DMD: variants seen among roughly 807,000 people sequenced by gnomAD.
DMD encodes the protein dystrophin.
In DMD, 63 loss-of-function variants were observed where a neutral mutation model predicts 330.1. The observed-to-expected ratio is 0.19, with a 90% CI of 0.16 to 0.24. The LOEUF (loss-of-function observed/expected upper bound fraction) is 0.24. Ranked by LOEUF, DMD falls within the 10% of genes least tolerant of loss-of-function variation. The pLI is 1.00. For missense variants in DMD, 3,344 were observed against 2,684.1 expected (o/e 1.25, Z -5.43); for synonymous variants, 1,223 against 959.8 (o/e 1.27, Z -5.07).
At chrX:32,264,161 T>C (rs2148300055) in intron 43 of DMD, among the ~76,000 whole-genome samples, 1 of 110,250 alleles carries the variant, frequency 9.1e-6, no homozygotes, top group East Asian at 2.9e-4. Flanking sequence ...GTTCTTATGA[T>C]AGTGAGCTCT....
intron 60 of DMD, among the ~76,000 whole-genome samples, chrX:31,364,911 C>CAT (rs1569533134): frequency 2.7e-5 from 3 of 109,664 alleles, no homozygotes; most frequent in Non-Finnish European, 5.7e-5. Context: ...TCCTGGCTAA[C>CAT]GGTGAAACCC....
chrX:31,549,522 T>C (rs2074352553), intron 55 of DMD, among the ~76,000 whole-genome samples: 1 of 112,018 alleles, frequency 8.9e-6, no homozygotes, highest in African/African-American at 3.2e-5. Flanking sequence ...ATGTGCTAGG[T>C]TTCCCAAATG....
chrX:32,521,966 G>GT (rs112215610), intron 17 of DMD, among the ~76,000 whole-genome samples: 2,122 of 111,716 alleles, frequency 0.019, 40 homozygotes, highest in African/African-American at 0.066. Context: ...TGAGGGCACA[G>GT]TGAGAGAGCA....
intron 1 of DMD, among the ~76,000 whole-genome samples, chrX:33,205,486 A>G (rs1200062945): frequency 1.8e-5 from 2 of 112,175 alleles, no homozygotes; most frequent in African/African-American, 3.2e-5. Flanking sequence ...CACTTAGCTC[A>G]GGCTAAGGTA....
At chrX:31,393,796 T>A (rs1031966081) in intron 60 of DMD, among the ~76,000 whole-genome samples, 1 of 111,869 alleles carries the variant, frequency 8.9e-6, no homozygotes, top group African/African-American at 3.3e-5. Context: ...ACCCCACACG[T>A]TGACTCCCAG....
chrX:32,615,051 G>T (rs1192966184), intron 11 of DMD, among the ~76,000 whole-genome samples: 2 of 111,235 alleles, frequency 1.8e-5, no homozygotes. Flanking sequence ...GAGTGATTCT[G>T]CAGGATAAAA....
intron 36 of DMD, among the ~76,000 whole-genome samples, chrX:32,363,614 A>C (rs1385239708): frequency 8.9e-6 from 1 of 112,022 alleles, no homozygotes; most frequent in African/African-American, 3.2e-5. Flanking sequence ...CTGACTATAC[A>C]TCAAGGGATA....
At chrX:31,682,919 C>T (rs746648232) in intron 52 of DMD, among the ~76,000 whole-genome samples, 1 of 111,866 alleles carries the variant, frequency 8.9e-6, no homozygotes, top group South Asian at 3.7e-4. Flanking sequence ...AGCAGTTCTT[C>T]CTATTATGTA....
At chrX:32,831,228 C>T (rs911099694) in intron 4 of DMD, among the ~76,000 whole-genome samples, 1 of 110,732 alleles carries the variant, frequency 9.0e-6, no homozygotes, top group East Asian at 2.8e-4. Context: ...CACTTTCCTT[C>T]AGGAACATGG....
intron 74 of DMD, among the ~76,000 whole-genome samples, chrX:31,157,984 T>A (rs932159243): frequency 9.2e-6 from 1 of 108,232 alleles, no homozygotes. Context: ...AAAAAAAAAA[T>A]TGTAGAGACG....
At chrX:32,922,840 G>C (rs1013604268) in intron 2 of DMD, among the ~76,000 whole-genome samples, 1 of 112,040 alleles carries the variant, frequency 8.9e-6, no homozygotes, top group African/African-American at 3.2e-5. Flanking sequence ...TTATTTTTCT[G>C]TCAGTAAAAT....
At chrX:31,255,171 A>C (rs959482328) in intron 63 of DMD, among the ~76,000 whole-genome samples, 3 of 111,596 alleles carry the variant, frequency 2.7e-5, no homozygotes, top group Non-Finnish European at 5.6e-5. Context: ...CCTAGACATA[A>C]ATTGTGAGAA....
chrX:31,960,908 C>T (rs1399933678), intron 45 of DMD, among the ~76,000 whole-genome samples: 1 of 111,806 alleles, frequency 8.9e-6, no homozygotes, highest in African/African-American at 3.3e-5. Context: ...ATAATAATAT[C>T]TGTATGATTC....
In DMD at chrX:32,485,110, G is replaced by A; in HGVS notation, c.2623-11C>T. ...CCGGTTGACTTCATCCTGTGCCATAGAGTATGGAAAGTAAGTAACACGTTT... is the reference window on the plus strand; with the variant it reads ...CCGGTTGACTTCATCCTGTGCCATAAAGTATGGAAAGTAAGTAACACGTTT... On this transcript the variant is annotated splice_polypyrimidine_tract_variant and intron_variant, in intron 20 of 78. Coordinates refer to ENST00000357033, the MANE Select transcript of DMD (RefSeq NM_004006.3). 1 of 1,203,998 alleles carries A rather than the reference G, an allele frequency of 8.3e-7. No individual in the cohort carries two copies.
At chrX:32,287,444 C>T in intron 43 of DMD, 85 bp downstream of exon 43, 5 of 929,771 alleles carry the variant, frequency 5.4e-6, no homozygotes, top group Admixed American at 4.8e-5. Context: ...GTCTTTTTTC[C>T]ATGGAGGGTA....
intron 2 of DMD, among the ~76,000 whole-genome samples, chrX:32,859,200 G>A (rs1039532779): frequency 7.2e-5 from 8 of 111,109 alleles, no homozygotes; most frequent in Non-Finnish European, 1.3e-4. Flanking sequence ...AGGTGCAGTG[G>A]CTCACACCTG....
chrX:31,511,238 A>G (rs747863703), intron 55 of DMD, among the ~76,000 whole-genome samples: 34 of 107,388 alleles, frequency 3.2e-4, no homozygotes, highest in African/African-American at 9.1e-4. Flanking sequence ...TACATTATAC[A>G]TAATATAATA....
chrX:31,999,278 T>G (rs1047203940), intron 44 of DMD, among the ~76,000 whole-genome samples: 1 of 112,112 alleles, frequency 8.9e-6, no homozygotes, highest in South Asian at 3.7e-4. Context: ...TTTCCTTACC[T>G]GTACCCAACG....
At chrX:31,767,287 T>A (rs1426561075) in intron 51 of DMD, among the ~76,000 whole-genome samples, 1 of 111,709 alleles carries the variant, frequency 9.0e-6, no homozygotes, top group African/African-American at 3.3e-5. Context: ...AAAAACAGAA[T>A]AATCAATCTC....
Sources: gnomAD v4.1 joint callset for allele counts (sites outside exome capture counted in the v4.1 genomes callset) on GRCh38, gnomAD v4.1.1 for gene constraint, MANE v1.5 for transcripts, NCBI Gene and HGNC (gene_info 2026-07-23, HGNC 2026-07-21) for gene names.